The following UPB1 variants were observed in gnomAD, a reference collection of about 807,000 sequenced individuals.
The protein encoded by UPB1 is beta-ureidopropionase.
A neutral mutation model predicts 49.1 loss-of-function variants in UPB1; 40 were observed. The ratio of observed to expected loss-of-function variants is 0.81; its 90% confidence interval spans 0.63 to 1.06. UPB1 has a LOEUF of 1.06. Among genes scored for constraint, UPB1 ranks in the 50% least tolerant of loss-of-function variants. The pLI is 0.00. For synonymous variants in UPB1, 207 were observed against 198.2 expected, an observed-to-expected ratio of 1.04 and a Z score of -0.38; for missense variants, 499 against 505.9, an observed-to-expected ratio of 0.99 and a Z score of 0.13.
rs2044185405 is a variant in UPB1, at chr22:24,510,797, T to G, written c.413T>G (p.Phe138Cys). 1 of 1,614,116 alleles carries G rather than the reference T, an allele frequency of 6.2e-7. No homozygotes were observed. Among genetic ancestry groups the G allele is most frequent in the Non-Finnish European group, 8.5e-7 (1 of 1,180,052 alleles). The change falls in exon 4 of 10, where the codon TTT (phenylalanine) becomes TGT (cysteine). Residue 138 changes from phenylalanine (F) to cysteine (C), a missense_variant. Coordinates refer to ENST00000326010, the MANE Select transcript of UPB1 (RefSeq NM_016327.3). The part of the protein sequence containing the change: ...CTREKLPWTE[F>C]AESAEDGPTT... ...AGAGAGAAGCTTCCTTGGACAGAAT[T>G]TGCTGAGTCAGCAGAGGATGGGCCC...
chr22:24,527,893 G>A lies in UPB1; in HGVS notation c.*2099G>A, dbSNP rs2044494172. On this transcript the variant is annotated 3_prime_UTR_variant, in exon 10 of 10. Coordinates refer to ENST00000326010, the MANE Select transcript of UPB1 (RefSeq NM_016327.3). ...TCAAAATTTAGTGTCAGCCAAGGCG[G>A]GCAGATCACAAGGTCAAGAGATGGA... The A allele has an allele frequency of 6.6e-6, 1 of 152,108 alleles. No individual in the cohort carries two copies. The highest frequency in any genetic ancestry group is 2.1e-4 in the South Asian group (1 of 4,828). The allele number at this position is 152,108 out of a possible 1,614,324, so 9.4% of individuals were successfully genotyped here.
intron 8 of UPB1, among the ~76,000 whole-genome samples, chr22:24,523,118 G>T (rs2044424756): frequency 6.6e-6 from 1 of 152,154 alleles, no homozygotes; most frequent in African/African-American, 2.4e-5. Flanking sequence ...GGGAATGAGC[G>T]TCCACTGGGT....
Position 24,502,509 on chromosome 22 carries a change from C to G in UPB1, c.364+296C>G, listed in dbSNP as rs775193542. On this transcript the variant is annotated intron_variant, in intron 3 of 9. Transcript: ENST00000326010. ...CACCTCTGGCTTTTGTAATTCCCTCCAGCTGGTCTCCTGTGCCCTCCTGAC... is the reference window on the plus strand; with the variant it reads ...CACCTCTGGCTTTTGTAATTCCCTCGAGCTGGTCTCCTGTGCCCTCCTGAC... 6.4e-6 allele frequency: 5 copies of G among 780,110 alleles called. No homozygotes were observed. In the South Asian group the frequency reaches 6.7e-5, roughly 10 times the overall value. 48.3% of individuals were successfully genotyped at this position (780,110 alleles called of 1,614,324 possible). A position where few individuals can be genotyped will look rare whatever the true frequency, so the allele number is the denominator to read the frequency against.
At chr22:24,504,717 TTCC>T (rs1480003958) in intron 3 of UPB1, among the ~76,000 whole-genome samples, 2 of 140,320 alleles carry the variant, frequency 1.4e-5, no homozygotes. Context: ...TGTTATGTAT[TTCC>T]TCCTTTTTTT....
chr22:24,516,468 A>G (rs1345901418), intron 6 of UPB1: 1 of 152,184 alleles, frequency 6.6e-6, no homozygotes, highest in African/African-American at 2.4e-5. Flanking sequence ...ACTACAAGTA[A>G]CAGAACTCTA....
intron 2 of UPB1, 109 bp downstream of exon 2, chr22:24,500,387 C>A: frequency 6.7e-7 from 1 of 1,488,794 alleles, no homozygotes; most frequent in Non-Finnish European, 9.2e-7. Flanking sequence ...CAGGCTTGGG[C>A]GCCTCAAGCA....
intron 3 of UPB1, among the ~76,000 whole-genome samples, chr22:24,507,310 A>AGCCT (rs1568985320): frequency 6.6e-6 from 1 of 152,114 alleles, no homozygotes; most frequent in Non-Finnish European, 1.5e-5. Flanking sequence ...GGGAGCCTTG[A>AGCCT]GCCTGCTACC....
intron 9 of UPB1, among the ~76,000 whole-genome samples, chr22:24,524,906 C>A (rs1195749824): frequency 6.6e-6 from 1 of 152,076 alleles, no homozygotes; most frequent in Non-Finnish European, 1.5e-5. Flanking sequence ...GGGCTTTTGG[C>A]CTTGATCCTG....
At position 24,513,210 on chromosome 22, in the gene UPB1, G is replaced by A. The variant is rs1280326489; in HGVS notation, c.460-114G>A. The A allele has an allele frequency of 5.5e-6, 8 of 1,461,150 alleles. No homozygotes were observed. In the African/African-American group the frequency reaches 8.3e-5, roughly 15 times the overall value. The allele number at this position is 1,461,150 out of a possible 1,614,324, so 90.5% of individuals were successfully genotyped here. A position where few individuals can be genotyped will look rare whatever the true frequency, so the allele number is the denominator to read the frequency against. The stretch of plus-strand genomic sequence containing the variant: ...GTATTTAGTGTTCCAAACAACAAAT[G>A]CAAGTGGTTGCTCTGACCCAAGCCT... On this transcript the variant is annotated intron_variant, in intron 4 of 9. Coordinates refer to ENST00000326010, the MANE Select transcript of UPB1 (RefSeq NM_016327.3).
chr22:24,496,495 G>A (rs533779831), intron 1 of UPB1, among the ~76,000 whole-genome samples: 18 of 151,920 alleles, frequency 1.2e-4, no homozygotes, highest in Non-Finnish European at 2.2e-4. Flanking sequence ...CCTTAATTAC[G>A]TCTGTGAAGA....
chr22:24,501,978 C>T, intron 2 of UPB1, 148 bp from the exon 3 acceptor site: 1 of 768,612 alleles, frequency 1.3e-6, no homozygotes, highest in Non-Finnish European at 2.3e-6. Flanking sequence ...TTTTGGACAT[C>T]AGGAGATAAC....
chr22:24,497,394 T>C (rs1601473417), intron 1 of UPB1, among the ~76,000 whole-genome samples: 1 of 152,148 alleles, frequency 6.6e-6, no homozygotes, highest in Admixed American at 6.5e-5. Flanking sequence ...AGAGCTCTAG[T>C]TTAATGATTT....
chr22:24,515,187 C>T lies in UPB1; in HGVS notation c.622-14C>T. On this transcript the variant is annotated splice_polypyrimidine_tract_variant and intron_variant, in intron 5 of 9. Coordinates refer to ENST00000326010, the MANE Select transcript of UPB1 (RefSeq NM_016327.3). ...AAGGTCAGAGGCATCAGTATATGGC[C>T]CTTTGCTTTTCAGTCAACTTACTAC... 1 of 1,614,064 alleles carries T rather than the reference C, an allele frequency of 6.2e-7. No homozygotes were observed. The highest frequency in any genetic ancestry group is 8.5e-7 in the Non-Finnish European group (1 of 1,180,038).
intron 9 of UPB1, 97 bp from the exon 10 acceptor site, chr22:24,525,614 C>T: frequency 7.6e-6 from 11 of 1,445,294 alleles, no homozygotes; most frequent in Non-Finnish European, 9.7e-6. Context: ...GCGTTCCTGC[C>T]CCATGACTGC....
At chr22:24,515,133 G>T in intron 5 of UPB1, 68 bp from the exon 6 acceptor site, 1 of 1,601,600 alleles carries the variant, frequency 6.2e-7, no homozygotes. Context: ...TGATATTTCA[G>T]TTTTTCTGCT....
intron 3 of UPB1, among the ~76,000 whole-genome samples, chr22:24,507,378 G>A (rs1461392867): frequency 6.6e-6 from 1 of 152,102 alleles, no homozygotes; most frequent in Non-Finnish European, 1.5e-5. Flanking sequence ...GATGGTGGTG[G>A]TGCCATTGGC....
At chr22:24,509,167 G>A (rs2044146406) in intron 3 of UPB1, among the ~76,000 whole-genome samples, 2 of 152,012 alleles carry the variant, frequency 1.3e-5, no homozygotes, top group Non-Finnish European at 2.9e-5. Flanking sequence ...GGTACTAAAG[G>A]TAACTCCATG....
chr22:24,515,766 A>G (rs773981731), intron 6 of UPB1, among the ~76,000 whole-genome samples: 11 of 152,308 alleles, frequency 7.2e-5, no homozygotes, highest in Non-Finnish European at 1.5e-4. Context: ...ACTTGAGGTC[A>G]GGAGTTTGAG....
At chr22:24,519,662 T>C (rs2036032745) in intron 6 of UPB1, 1 of 152,674 alleles carries the variant, frequency 6.5e-6, no homozygotes, top group Non-Finnish European at 1.5e-5. Context: ...AAGAGGGAAA[T>C]GGGAAGTCAC....
Sources: allele counts gnomAD v4.1 joint callset (sites outside exome capture counted in the v4.1 genomes callset), GRCh38; gene constraint gnomAD v4.1.1; transcripts MANE v1.5; gene names NCBI Gene and HGNC (gene_info 2026-07-23, HGNC 2026-07-21).